The following TBCD variants were observed in gnomAD, a reference collection of about 807,000 sequenced individuals.
The protein encoded by TBCD is tubulin-specific chaperone D.
Under a neutral mutation model 169.3 loss-of-function variants are expected in TBCD, and 105 were observed. That is an observed-to-expected ratio of 0.62 (90% CI 0.53 to 0.73). TBCD has a LOEUF of 0.73. Ranked by LOEUF, TBCD falls within the 30% of genes least tolerant of loss-of-function variation. The pLI, the probability that TBCD is intolerant of heterozygous loss-of-function variation, is 0.00. For synonymous variants in TBCD, 700 were observed against 643.9 expected (o/e 1.09, Z -1.32); for missense variants, 1,444 against 1,600.1 (o/e 0.90, Z 1.66).
intron 6 of TBCD, among the ~76,000 whole-genome samples, chr17:82,775,394 A>G (rs2048535739): frequency 6.6e-6 from 1 of 152,152 alleles, no homozygotes; most frequent in Non-Finnish European, 1.5e-5. Flanking sequence ...GACTCACCGC[A>G]GGTTCTGAGT....
chr17:82,772,391 G>C, intron 5 of TBCD, 61 bp from the exon 6 acceptor site: 1 of 1,555,814 alleles, frequency 6.4e-7, no homozygotes, highest in South Asian at 1.1e-5. Context: ...GTGACTGTGT[G>C]GTGTCCCCAA....
intron 22 of TBCD, among the ~76,000 whole-genome samples, chr17:82,909,634 G>A (rs1040042051): frequency 1.1e-4 from 16 of 147,852 alleles, no homozygotes; most frequent in African/African-American, 4.2e-4. Context: ...GGTTGAGTGG[G>A]TGTCACCCGG....
At chr17:82,897,877 G>A (rs1400897830) in intron 17 of TBCD, among the ~76,000 whole-genome samples, 4 of 152,330 alleles carry the variant, frequency 2.6e-5, no homozygotes, top group Admixed American at 1.3e-4. Context: ...TTTGATGTGA[G>A]CACACGGCAC....
At chr17:82,830,488 G>T in intron 13 of TBCD, 1 of 1,613,190 alleles carries the variant, frequency 6.2e-7, no homozygotes, top group Non-Finnish European at 8.5e-7. Context: ...TGTGGGTGGG[G>T]CCCCGTCACC....
At chr17:82,756,775 G>T (rs2047425382) in intron 2 of TBCD, among the ~76,000 whole-genome samples, 1 of 152,212 alleles carries the variant, frequency 6.6e-6, no homozygotes, top group South Asian at 2.1e-4. Flanking sequence ...ACCGCGCCTG[G>T]CCTCCTCAAG....
intron 7 of TBCD, among the ~76,000 whole-genome samples, chr17:82,783,636 C>T (rs944710079): frequency 2.0e-5 from 3 of 152,214 alleles, no homozygotes; most frequent in Admixed American, 2.0e-4. Context: ...CTTCACTGAG[C>T]CCGATGTGTC....
intron 7 of TBCD, among the ~76,000 whole-genome samples, chr17:82,786,373 G>A (rs1473185566): frequency 2.6e-5 from 4 of 152,244 alleles, no homozygotes; most frequent in African/African-American, 4.8e-5. Context: ...TCTGCCCCGA[G>A]TGTGGTGCCT....
chr17:82,832,461 C>A lies in TBCD; in HGVS notation c.1318+17527C>A. The stretch of plus-strand genomic sequence containing the variant: ...GCTCTTTGAGGAGACTCATTTTCCT[C>A]CTTATGCCTTGGACTCTGGCTGTCC... On this transcript the variant is annotated intron_variant, in intron 13 of 38. Transcript: ENST00000355528. The surrounding 1 kb of genome is among the most constrained non-coding windows in gnomAD (Gnocchi z 4.9). 1 of 1,607,398 alleles carries A rather than the reference C, an allele frequency of 6.2e-7. No homozygotes were observed. Among genetic ancestry groups the A allele is most frequent in the South Asian group, 1.1e-5 (1 of 91,068 alleles).
At chr17:82,862,447 C>T (rs1025777911) in intron 13 of TBCD, among the ~76,000 whole-genome samples, 2 of 151,674 alleles carry the variant, frequency 1.3e-5, no homozygotes, top group African/African-American at 4.8e-5. Flanking sequence ...TTGGCCCAGA[C>T]GGGGGAGGTG....
intron 13 of TBCD, among the ~76,000 whole-genome samples, chr17:82,857,803 C>CT (rs1287227027): frequency 1.5e-5 from 2 of 130,018 alleles, no homozygotes; most frequent in South Asian, 2.4e-4. Context: ...TTAAATTATA[C>CT]TTTAAGTTTT....
At chr17:82,830,751 C>G (rs1220308096) in intron 13 of TBCD, 1 of 1,613,816 alleles carries the variant, frequency 6.2e-7, no homozygotes, top group African/African-American at 1.3e-5. Flanking sequence ...CCAGGTTTAT[C>G]TCTGATTTCT....
intron 16 of TBCD, among the ~76,000 whole-genome samples, chr17:82,891,261 G>A (rs2059118774): frequency 6.6e-6 from 1 of 152,226 alleles, no homozygotes; most frequent in South Asian, 2.1e-4. Flanking sequence ...GGGATTGATT[G>A]ACAGGGAAAG....
At chr17:82,787,210 G>C (rs946194196) in intron 7 of TBCD, among the ~76,000 whole-genome samples, 22 of 152,230 alleles carry the variant, frequency 1.4e-4, no homozygotes, top group African/African-American at 5.1e-4. Flanking sequence ...CTGCCGTTTA[G>C]GGCAGAGCAC....
chr17:82,828,363 CGATT>C (rs966117560), intron 13 of TBCD, among the ~76,000 whole-genome samples: 2 of 121,926 alleles, frequency 1.6e-5, no homozygotes, highest in African/African-American at 6.6e-5. Flanking sequence ...GACACCCACA[CGATT>C]GAATGTGCAC....
chr17:82,823,664 G>A (rs1318650763), intron 13 of TBCD, among the ~76,000 whole-genome samples: 1 of 151,936 alleles, frequency 6.6e-6, no homozygotes, highest in Non-Finnish European at 1.5e-5. Flanking sequence ...GTGAATTCAA[G>A]GATCCTTTAT....
In TBCD at chr17:82,906,006, C is replaced by G; in HGVS notation, c.1875C>G (p.Cys625Trp). The G allele has an allele frequency of 6.2e-7, 1 of 1,612,788 alleles. No homozygotes were observed. Residue 625 changes from cysteine (C) to tryptophan (W), a missense_variant, in exon 20 of 39, where the codon TGC (cysteine) becomes TGG (tryptophan). Coordinates refer to ENST00000355528, the MANE Select transcript of TBCD (RefSeq NM_005993.5). ...LHMRHGSILA[C>W]AEVAYALYKL... ...TGAGGCATGGGTCGATTCTCGCCTG[C>G]GCAGAAGTTGCTTACGCCTTGTACA...
Position 82,832,132 on chromosome 17 carries a change from C to A in TBCD, c.1318+17198C>A. The stretch of plus-strand genomic sequence containing the variant: ...CTCCAGGTTTTCCTTGATGTCTTCC[C>A]TGGCAGAGCTGTGCTGAAGCTTCGA... On this transcript the variant is annotated intron_variant, in intron 13 of 38. Coordinates refer to ENST00000355528, the MANE Select transcript of TBCD (RefSeq NM_005993.5). This position sits in a 1 kb window ranked among gnomAD's most constrained non-coding sequence, Gnocchi z 4.9. 6.2e-7 allele frequency: 1 copy of A among 1,614,206 alleles called. No homozygotes were observed. Among genetic ancestry groups the A allele is most frequent in the Non-Finnish European group, 8.5e-7 (1 of 1,180,018 alleles).
chr17:82,869,717 T>C (rs1426978281), intron 13 of TBCD, among the ~76,000 whole-genome samples: 1 of 152,192 alleles, frequency 6.6e-6, no homozygotes, highest in African/African-American at 2.4e-5. Context: ...TTCATCCTGG[T>C]TCACCCCAGA....
chr17:82,905,161 C>T lies in TBCD; in HGVS notation c.1805-775C>T, dbSNP rs143645289. On this transcript the variant is annotated intron_variant, in intron 19 of 38. Coordinates refer to ENST00000355528, the MANE Select transcript of TBCD (RefSeq NM_005993.5). ...TAGAGGCACCACCCCTGGGGGCAGCCCTGCCTCTGTCCTGCTCCGCCCCCT... is the reference window on the plus strand; with the variant it reads ...TAGAGGCACCACCCCTGGGGGCAGCTCTGCCTCTGTCCTGCTCCGCCCCCT... Among the ~76,000 whole-genome samples, 1,347 of 152,306 alleles carry T rather than the reference C, an allele frequency of 8.8e-3. 72 individuals carry two copies. Among genetic ancestry groups the T allele is most frequent in the Admixed American group, 0.082 (1,250 of 15,304 alleles).
Sources: allele counts gnomAD v4.1 joint callset (sites outside exome capture counted in the v4.1 genomes callset), GRCh38; gene constraint gnomAD v4.1.1; non-coding constraint Gnocchi (gnomAD v3.1); transcripts MANE v1.5; gene names NCBI Gene and HGNC (gene_info 2026-07-23, HGNC 2026-07-21).